Variants in ASIC2 observed in about 807,000 individuals in gnomAD.
ASIC2 encodes acid sensing ion channel subunit 2, also known as acid-sensing ion channel 2.
ASIC2 carries 25 observed loss-of-function variants against 57.3 expected under a neutral mutation model. The observed-to-expected ratio is 0.44, with a 90% CI of 0.32 to 0.61. ASIC2 has a LOEUF of 0.61. ASIC2 is among the 20% of genes least tolerant of loss of function. ASIC2 has a pLI of 0.06. For missense variants in ASIC2, 641 were observed against 738.1 expected, an observed-to-expected ratio of 0.87 and a Z score of 1.52; for synonymous variants, 319 against 307.5, an observed-to-expected ratio of 1.04 and a Z score of -0.39.
At chr17:33,710,129 G>T (rs2142075369) in intron 1 of ASIC2, among the ~76,000 whole-genome samples, 1 of 152,290 alleles carries the variant, frequency 6.6e-6, no homozygotes. Context: ...TCTGATGTCT[G>T]CACCAATGTC....
chr17:33,316,135 G>C (rs993911918), intron 1 of ASIC2, among the ~76,000 whole-genome samples: 9 of 152,044 alleles, frequency 5.9e-5, no homozygotes, highest in African/African-American at 2.2e-4. Context: ...TTTTTTCCTG[G>C]GAGTGTCTAA....
At chr17:33,224,171 T>C (rs966044035) in intron 1 of ASIC2, among the ~76,000 whole-genome samples, 1 of 152,234 alleles carries the variant, frequency 6.6e-6, no homozygotes, top group African/African-American at 2.4e-5. Context: ...GCAAATCCTA[T>C]CATAAAACCA....
intron 1 of ASIC2, among the ~76,000 whole-genome samples, chr17:33,709,002 C>G (rs569454459): frequency 6.6e-6 from 1 of 152,326 alleles, no homozygotes; most frequent in Non-Finnish European, 1.5e-5. Flanking sequence ...ACCAACTATT[C>G]TGGGTCAAGA....
At chr17:33,090,919 T>C (rs1279867876) in intron 2 of ASIC2, among the ~76,000 whole-genome samples, 2 of 152,160 alleles carry the variant, frequency 1.3e-5, no homozygotes, top group African/African-American at 4.8e-5. Flanking sequence ...ATATGGTTCA[T>C]GGAGTGGGAG....
intron 1 of ASIC2, among the ~76,000 whole-genome samples, chr17:33,759,344 T>C (rs893643158): frequency 6.6e-6 from 1 of 152,206 alleles, no homozygotes; most frequent in African/African-American, 2.4e-5. Context: ...CTCAGGCTGC[T>C]TCATGATTAC....
chr17:33,356,901 C>G (rs1438705566), intron 1 of ASIC2, among the ~76,000 whole-genome samples: 1 of 150,702 alleles, frequency 6.6e-6, no homozygotes, highest in South Asian at 2.1e-4. Flanking sequence ...AGCAAGACAT[C>G]TCCAGAACGT....
chr17:34,134,520 G>A (rs1345022109), intron 1 of ASIC2, among the ~76,000 whole-genome samples: 1 of 152,178 alleles, frequency 6.6e-6, no homozygotes, highest in Non-Finnish European at 1.5e-5. Context: ...AAGAGGAATG[G>A]GAGTGCAGCC....
At chr17:33,391,714 A>G (rs1220792205) in intron 1 of ASIC2, among the ~76,000 whole-genome samples, 2 of 152,236 alleles carry the variant, frequency 1.3e-5, no homozygotes, top group East Asian at 3.8e-4. Flanking sequence ...GTTCACTGAC[A>G]TGTCAATGTT....
chr17:33,267,233 A>C (rs1193416062), intron 1 of ASIC2, among the ~76,000 whole-genome samples: 2 of 150,606 alleles, frequency 1.3e-5, no homozygotes, highest in Non-Finnish European at 3.0e-5. Flanking sequence ...TGCACCCCTT[A>C]CCCCCCCCAG....
At chr17:33,847,158 T>A (rs762720684) in intron 1 of ASIC2, among the ~76,000 whole-genome samples, 8 of 151,310 alleles carry the variant, frequency 5.3e-5, no homozygotes, top group Non-Finnish European at 7.4e-5. Context: ...CTGGGAGGCA[T>A]CTAGTAGGGC....
intron 1 of ASIC2, among the ~76,000 whole-genome samples, chr17:33,954,155 GCTAT>G (rs1904662924): frequency 6.6e-6 from 1 of 152,154 alleles, no homozygotes; most frequent in Admixed American, 6.5e-5. Flanking sequence ...GGAACCCCAG[GCTAT>G]CTGACACTGT....
intron 1 of ASIC2, among the ~76,000 whole-genome samples, chr17:33,923,760 A>T (rs1437679938): frequency 6.6e-6 from 1 of 152,182 alleles, no homozygotes; most frequent in Non-Finnish European, 1.5e-5. Flanking sequence ...TTAAGCCACC[A>T]ATGAGGTGTG....
intron 1 of ASIC2, among the ~76,000 whole-genome samples, chr17:33,595,533 G>T (rs1439519549): frequency 6.6e-6 from 1 of 152,208 alleles, no homozygotes; most frequent in Non-Finnish European, 1.5e-5. Flanking sequence ...AGCTATAGGG[G>T]CTTTTATTTC....
At chr17:33,213,447 G>GAGTTT in intron 1 of ASIC2, among the ~76,000 whole-genome samples, 1 of 152,204 alleles carries the variant, frequency 6.6e-6, no homozygotes, top group Non-Finnish European at 1.5e-5. Flanking sequence ...GTTTTCATGG[G>GAGTTT]CCTGTTCTTT....
chr17:33,696,785 C>T (rs565099877), intron 1 of ASIC2, among the ~76,000 whole-genome samples: 16 of 152,138 alleles, frequency 1.1e-4, no homozygotes, highest in Non-Finnish European at 2.1e-4. Context: ...TGTATTCTTA[C>T]AATAAAGTAA....
chr17:33,380,172 G>A (rs1010265243), intron 1 of ASIC2, among the ~76,000 whole-genome samples: 19 of 147,418 alleles, frequency 1.3e-4, no homozygotes, highest in Non-Finnish European at 2.7e-4. Context: ...CTTGAACCAG[G>A]GAGGCAGAAG....
At chr17:34,018,140 A>C (rs1396420704) in intron 1 of ASIC2, among the ~76,000 whole-genome samples, 1 of 152,170 alleles carries the variant, frequency 6.6e-6, no homozygotes, top group Admixed American at 6.5e-5. Flanking sequence ...GCAGTCAGAG[A>C]CTTTAAGTTG....
chr17:33,583,295 G>A (rs1315926353), intron 1 of ASIC2, among the ~76,000 whole-genome samples: 1 of 143,962 alleles, frequency 6.9e-6, no homozygotes, highest in African/African-American at 2.8e-5. Context: ...AGCAAACCTT[G>A]CTCACTAATT....
intron 2 of ASIC2, among the ~76,000 whole-genome samples, chr17:33,110,057 G>A (rs893240070): frequency 1.3e-5 from 2 of 152,176 alleles, no homozygotes; most frequent in South Asian, 2.1e-4. Context: ...GTCTGTGTGT[G>A]TGTGTGTGTG....
Sources: allele counts gnomAD v4.1 joint callset (sites outside exome capture counted in the v4.1 genomes callset), GRCh38; gene constraint gnomAD v4.1.1; transcripts MANE v1.5; gene names NCBI Gene and HGNC (gene_info 2026-07-23, HGNC 2026-07-21).